Variants in VPS41 observed in about 807,000 individuals in gnomAD.
VPS41 encodes vacuolar protein sorting-associated protein 41 homolog.
A neutral mutation model predicts 130.9 loss-of-function variants in VPS41; 85 were observed. The observed-to-expected ratio is 0.65, with a 90% CI of 0.55 to 0.78. The LOEUF (loss-of-function observed/expected upper bound fraction) is 0.78. Among genes scored for constraint, VPS41 ranks in the 30% least tolerant of loss-of-function variants. The probability of loss-of-function intolerance (pLI) is 0.00; values close to 1 mark genes in which losing one functional copy is unlikely to be tolerated. For missense variants in VPS41, 874 were observed against 1,018.7 expected (o/e 0.86, Z 1.93); for synonymous variants, 335 against 332.9 (o/e 1.01, Z -0.07).
chr7:38,777,307 T>C (rs1215716060), intron 10 of VPS41, among the ~76,000 whole-genome samples: 1 of 152,086 alleles, frequency 6.6e-6, no homozygotes, highest in Non-Finnish European at 1.5e-5. Flanking sequence ...TACTTTATGA[T>C]GAAACATCAG....
At chr7:38,825,518 C>T (rs1785254591) in intron 5 of VPS41, among the ~76,000 whole-genome samples, 1 of 152,016 alleles carries the variant, frequency 6.6e-6, no homozygotes, top group Admixed American at 6.6e-5. Flanking sequence ...AAAGGGAATC[C>T]CTCCGCTTTT....
chr7:38,906,480 GAC>G (rs1787266869), intron 1 of VPS41, among the ~76,000 whole-genome samples: 1 of 152,002 alleles, frequency 6.6e-6, no homozygotes, highest in Admixed American at 6.6e-5. Flanking sequence ...GAGTAGCTGG[GAC>G]TACACACCAC....
At chr7:38,868,148 AC>A (rs1562616672) in intron 3 of VPS41, among the ~76,000 whole-genome samples, 1 of 152,168 alleles carries the variant, frequency 6.6e-6, no homozygotes, top group Non-Finnish European at 1.5e-5. Context: ...GGTAAGGGTC[AC>A]TGGAATGAAA....
intron 1 of VPS41, among the ~76,000 whole-genome samples, chr7:38,908,870 T>C (rs540682476): frequency 6.6e-6 from 1 of 152,334 alleles, no homozygotes; most frequent in Non-Finnish European, 1.5e-5. Flanking sequence ...CGGGCCTGCC[T>C]TCATGCCAAA....
intron 10 of VPS41, among the ~76,000 whole-genome samples, chr7:38,782,718 T>C (rs1325049690): frequency 6.6e-6 from 1 of 152,172 alleles, no homozygotes; most frequent in Non-Finnish European, 1.5e-5. Context: ...ATACACACCA[T>C]CAGTTGCATA....
intron 4 of VPS41, among the ~76,000 whole-genome samples, chr7:38,845,163 T>C (rs1443321037): frequency 6.6e-6 from 1 of 152,172 alleles, no homozygotes; most frequent in Non-Finnish European, 1.5e-5. Context: ...CCACGGACAA[T>C]GGTAGAAGCC....
At chr7:38,785,562 C>A (rs186614652) in intron 10 of VPS41, among the ~76,000 whole-genome samples, 1 of 152,294 alleles carries the variant, frequency 6.6e-6, no homozygotes, top group Admixed American at 6.5e-5. Flanking sequence ...TGAAACAGCA[C>A]TGATGAGGAA....
In VPS41 at chr7:38,723,819, T is replaced by C. The variant is rs973112504; in HGVS notation, c.*2427A>G. 1 of 151,594 alleles carries C rather than the reference T, an allele frequency of 6.6e-6. No homozygotes were observed. The highest frequency in any genetic ancestry group is 1.5e-5 in the Non-Finnish European group (1 of 67,970). 9.4% of individuals were successfully genotyped at this position (151,594 alleles called of 1,614,324 possible). On this transcript the variant is annotated 3_prime_UTR_variant, in exon 29 of 29. Coordinates refer to ENST00000310301, the MANE Select transcript of VPS41 (RefSeq NM_014396.4). ...CCAAAACGAGGGGAATGGGTTTCCT[T>C]TTTACCTATATTTTAAATTGGGCTA...
At chr7:38,768,673 C>T (rs1172146795) in intron 14 of VPS41, among the ~76,000 whole-genome samples, 10 of 152,116 alleles carry the variant, frequency 6.6e-5, no homozygotes, top group Admixed American at 1.3e-4. Context: ...ACAGATCACA[C>T]GTAACAATTC....
At chr7:38,906,271 T>TA (rs1224837623) in intron 1 of VPS41, among the ~76,000 whole-genome samples, 5 of 151,434 alleles carry the variant, frequency 3.3e-5, no homozygotes, top group African/African-American at 1.2e-4. Context: ...TACTTTCTTT[T>TA]AAAAAAAAGA....
intron 25 of VPS41, among the ~76,000 whole-genome samples, chr7:38,730,090 T>C (rs919738394): frequency 1.3e-5 from 2 of 152,110 alleles, no homozygotes; most frequent in African/African-American, 4.8e-5. Flanking sequence ...TCATAGAAGT[T>C]CACATTAACA....
In VPS41 at chr7:38,726,181, C is replaced by A. The variant is rs78649601; in HGVS notation, c.*65G>T. On this transcript the variant is annotated 3_prime_UTR_variant, in exon 29 of 29. Coordinates refer to ENST00000310301, the MANE Select transcript of VPS41 (RefSeq NM_014396.4). Reference sequence around the variant, plus strand: ...TTAACAGCACGAGTGTCAACAAATGCTTTTGTTGTTGCAAAAACAGTCTCA... The same window carrying A: ...TTAACAGCACGAGTGTCAACAAATGATTTTGTTGTTGCAAAAACAGTCTCA... 3.6e-6 allele frequency: 4 copies of A among 1,120,004 alleles called. No homozygotes were observed. The East Asian group carries it at 9.4e-5, about 26-fold the overall frequency. 69.4% of individuals were successfully genotyped at this position (1,120,004 alleles called of 1,614,324 possible). A position where few individuals can be genotyped will look rare whatever the true frequency, so the allele number is the denominator to read the frequency against.
intron 25 of VPS41, among the ~76,000 whole-genome samples, chr7:38,729,154 C>A (rs532502189): frequency 2.0e-4 from 31 of 152,334 alleles, no homozygotes; most frequent in African/African-American, 6.7e-4. Flanking sequence ...CAGACTTTGG[C>A]TCCTACATCA....
At chr7:38,773,584 G>C (rs1416694943) in intron 12 of VPS41, among the ~76,000 whole-genome samples, 6 of 152,084 alleles carry the variant, frequency 3.9e-5, no homozygotes, top group Non-Finnish European at 8.8e-5. Context: ...GATGTCTCTG[G>C]TATGACTAAA....
chr7:38,760,696 C>A (rs1025239284), intron 17 of VPS41, among the ~76,000 whole-genome samples: 2 of 152,068 alleles, frequency 1.3e-5, no homozygotes, highest in Non-Finnish European at 2.9e-5. Context: ...CCAAGTATGT[C>A]CCTAACCTTG....
chr7:38,807,722 T>C (rs1163867269), intron 7 of VPS41, among the ~76,000 whole-genome samples: 2 of 152,156 alleles, frequency 1.3e-5, no homozygotes, highest in African/African-American at 4.8e-5. Flanking sequence ...CGACACCAAC[T>C]AACAATGACT....
At chr7:38,747,529 T>C (rs535258007) in intron 22 of VPS41, among the ~76,000 whole-genome samples, 1 of 152,342 alleles carries the variant, frequency 6.6e-6, no homozygotes, top group African/African-American at 2.4e-5. Flanking sequence ...TTACACACTT[T>C]AAAATACCAT....
intron 4 of VPS41, chr7:38,831,385 T>A: frequency 2.6e-6 from 1 of 378,580 alleles, no homozygotes; most frequent in Non-Finnish European, 5.3e-6. Context: ...CACTAACACA[T>A]GCCAAGTGTT....
At chr7:38,749,109 T>A (rs907049388) in intron 22 of VPS41, among the ~76,000 whole-genome samples, 4 of 152,216 alleles carry the variant, frequency 2.6e-5, no homozygotes, top group Admixed American at 2.6e-4. Flanking sequence ...AAGTTTATGA[T>A]TAATTTTTGA....
Sources: gnomAD v4.1 joint callset for allele counts (sites outside exome capture counted in the v4.1 genomes callset) on GRCh38, gnomAD v4.1.1 for gene constraint, MANE v1.5 for transcripts, NCBI Gene and HGNC (gene_info 2026-07-23, HGNC 2026-07-21) for gene names.